Variants in MON2 observed in about 807,000 individuals in gnomAD.
The protein encoded by MON2 is MON2 regulator of endosome-to-Golgi trafficking.
A neutral mutation model predicts 208.6 loss-of-function variants in MON2; 84 were observed. That is an observed-to-expected ratio of 0.40 (90% CI 0.34 to 0.48). The LOEUF (loss-of-function observed/expected upper bound fraction) is 0.48, where lower values mean the gene tolerates loss of function less well. Ranked by LOEUF, MON2 falls within the 20% of genes least tolerant of loss-of-function variation. MON2 has a pLI of 0.59. For missense variants in MON2, 1,611 were observed against 2,015.4 expected (o/e 0.80, Z 3.84); for synonymous variants, 660 against 694.0 (o/e 0.95, Z 0.77).
chr12:62,502,950 T>C (rs1298723901), intron 7 of MON2, among the ~76,000 whole-genome samples: 1 of 152,206 alleles, frequency 6.6e-6, no homozygotes, highest in African/African-American at 2.4e-5. Flanking sequence ...TAATTTTTGG[T>C]ATACATTAGG....
At chr12:62,580,557 T>G (rs1241473986) in intron 32 of MON2, 137 bp downstream of exon 32, 1 of 666,758 alleles carries the variant, frequency 1.5e-6, no homozygotes, top group African/African-American at 1.8e-5. Context: ...AATATAGAAC[T>G]AAGCTTTATG....
chr12:62,474,322 T>C (rs936490332), intron 1 of MON2, among the ~76,000 whole-genome samples: 1 of 152,074 alleles, frequency 6.6e-6, no homozygotes, highest in African/African-American at 2.4e-5. Context: ...TTCACCATGT[T>C]GGCCAGGCTG....
At chr12:62,569,184 T>C (rs891058399) in intron 29 of MON2, among the ~76,000 whole-genome samples, 21 of 152,372 alleles carry the variant, frequency 1.4e-4, no homozygotes, top group Non-Finnish European at 2.5e-4. Context: ...CTATGCTTAA[T>C]GTTTTTCTTG....
intron 8 of MON2, chr12:62,508,891 C>G (rs1428789323): frequency 6.2e-6 from 1 of 160,824 alleles, no homozygotes; most frequent in African/African-American, 2.4e-5. Flanking sequence ...AGATTAGAAA[C>G]CAATTATTTT....
intron 4 of MON2, among the ~76,000 whole-genome samples, chr12:62,497,742 A>G (rs764645763): frequency 3.9e-5 from 6 of 152,096 alleles, no homozygotes; most frequent in Non-Finnish European, 8.8e-5. Flanking sequence ...CAGGCTCCCA[A>G]GTAGCTGAGA....
chr12:62,544,854 A>G, intron 20 of MON2, 44 bp from the exon 21 acceptor site: 5 of 1,586,802 alleles, frequency 3.2e-6, no homozygotes, highest in Non-Finnish European at 4.3e-6. Flanking sequence ...TGTGTGATTC[A>G]TAGCTTAAGT....
intron 23 of MON2, among the ~76,000 whole-genome samples, chr12:62,550,609 A>T (rs1214598740): frequency 6.6e-6 from 1 of 152,210 alleles, no homozygotes; most frequent in Non-Finnish European, 1.5e-5. Flanking sequence ...CGGTGATCTT[A>T]GCTAGATCTG....
chr12:62,481,756 A>G (rs1289883212), intron 1 of MON2, among the ~76,000 whole-genome samples: 3 of 152,230 alleles, frequency 2.0e-5, no homozygotes, highest in Admixed American at 6.5e-5. Flanking sequence ...AGTTTTAGAA[A>G]TAAGTCCTGG....
intron 21 of MON2, chr12:62,545,570 A>T (rs1311532221): frequency 6.6e-6 from 1 of 152,038 alleles, no homozygotes; most frequent in Non-Finnish European, 1.5e-5. Context: ...TTTATTTTTT[A>T]ATTTTTTAAA....
At chr12:62,534,044 T>TC in intron 12 of MON2, among the ~76,000 whole-genome samples, 1 of 152,178 alleles carries the variant, frequency 6.6e-6, no homozygotes, top group South Asian at 2.1e-4. Context: ...CTGCCCTCAC[T>TC]CCAACTGGTC....
chr12:62,569,429 G>A (rs1485247261), intron 29 of MON2, among the ~76,000 whole-genome samples: 1 of 152,162 alleles, frequency 6.6e-6, no homozygotes, highest in Non-Finnish European at 1.5e-5. Flanking sequence ...TGGTTCAGCA[G>A]TATCATCAAA....
chr12:62,543,184 G>A lies in MON2; in HGVS notation c.2452G>A (p.Gly818Ser). Residue 818 changes from glycine (G) to serine (S), a missense_variant, in exon 20 of 35, where the codon GGC (glycine) becomes AGC (serine). Gly to Ser is a moderately conservative substitution (Grantham distance 56). Coordinates refer to ENST00000393630, the MANE Select transcript of MON2 (RefSeq NM_015026.3). ...RIEILWRPLT[G>S]HLLEVCQHPN... The stretch of plus-strand genomic sequence containing the variant: ...AGAAATTCTGTGGAGACCTCTGACT[G>A]GCCATCTACTTGAGGTAAATTCTCT... 1 of 1,534,796 alleles carries A rather than the reference G, an allele frequency of 6.5e-7. No individual in the cohort carries two copies. Among genetic ancestry groups the A allele is most frequent in the South Asian group, 1.3e-5 (1 of 76,966 alleles).
At chr12:62,551,916 T>C (rs184717274) in intron 23 of MON2, among the ~76,000 whole-genome samples, 1 of 152,354 alleles carries the variant, frequency 6.6e-6, no homozygotes, top group Admixed American at 6.5e-5. Flanking sequence ...CGTTCAGCTC[T>C]TAATATTTGT....
chr12:62,547,957 A>G (rs2073569673), intron 22 of MON2, among the ~76,000 whole-genome samples: 2 of 152,192 alleles, frequency 1.3e-5, no homozygotes, highest in African/African-American at 2.4e-5. Context: ...CATTTCTCAG[A>G]TCATATCCTC....
intron 29 of MON2, among the ~76,000 whole-genome samples, chr12:62,570,599 T>A (rs1197454351): frequency 6.6e-6 from 1 of 152,134 alleles, no homozygotes; most frequent in Non-Finnish European, 1.5e-5. Flanking sequence ...ACACCTATGC[T>A]ATATGGTCTA....
chr12:62,553,246 CTT>C, intron 24 of MON2, 72 bp downstream of exon 24: 5 of 1,329,890 alleles, frequency 3.8e-6, no homozygotes, highest in South Asian at 1.5e-5. Flanking sequence ...TTCAGTTAAA[CTT>C]ATTTCTTTTA....
At chr12:62,528,597 C>G (rs547156413) in intron 11 of MON2, among the ~76,000 whole-genome samples, 1 of 152,098 alleles carries the variant, frequency 6.6e-6, no homozygotes, top group Non-Finnish European at 1.5e-5. Context: ...GTATAAATTA[C>G]CCTTTCTCTT....
intron 9 of MON2, 126 bp downstream of exon 9, chr12:62,524,765 TA>T (rs2072248110): frequency 2.0e-6 from 2 of 976,060 alleles, no homozygotes; most frequent in Non-Finnish European, 3.0e-6. Flanking sequence ...TAGTGATTTC[TA>T]AACAAAGAAA....
intron 1 of MON2, among the ~76,000 whole-genome samples, chr12:62,471,426 T>G (rs1439917934): frequency 6.6e-6 from 1 of 152,148 alleles, no homozygotes; most frequent in Non-Finnish European, 1.5e-5. Flanking sequence ...TAAGGTGATC[T>G]GCCCGCCTCG....
Sources: gnomAD v4.1 joint callset for allele counts (sites outside exome capture counted in the v4.1 genomes callset) on GRCh38, gnomAD v4.1.1 for gene constraint, MANE v1.5 for transcripts, NCBI Gene and HGNC (gene_info 2026-07-23, HGNC 2026-07-21) for gene names.